Variants in EDNRB observed in about 807,000 individuals in gnomAD.
EDNRB encodes Hirschsprung disease 2.
Under a neutral mutation model 46.4 loss-of-function variants are expected in EDNRB, and 18 were observed. That is an observed-to-expected ratio of 0.39 (90% CI 0.27 to 0.57). EDNRB has a LOEUF of 0.57. Ranked by LOEUF, EDNRB falls within the 20% of genes least tolerant of loss-of-function variation. The pLI, the probability that EDNRB is intolerant of heterozygous loss-of-function variation, is 0.61. For missense variants in EDNRB, 434 were observed against 537.5 expected (o/e 0.81, Z 1.90); for synonymous variants, 213 against 204.9 (o/e 1.04, Z -0.34).
chr13:77,927,197 G>T (rs901010837), intron 1 of EDNRB, among the ~76,000 whole-genome samples: 1 of 152,124 alleles, frequency 6.6e-6, no homozygotes, highest in Non-Finnish European at 1.5e-5. Flanking sequence ...ACTTCTCATA[G>T]TAGACGCCTG....
chr13:77,969,586 G>A (rs4885499), intron 1 of EDNRB, among the ~76,000 whole-genome samples: 37,715 of 151,984 alleles, frequency 0.25, 5,841 homozygotes, highest in East Asian at 0.54. Context: ...CTGGGGTAAC[G>A]TGAATCTCTC....
chr13:77,929,621 G>A (rs1880332635), intron 1 of EDNRB, among the ~76,000 whole-genome samples: 1 of 152,146 alleles, frequency 6.6e-6, no homozygotes, highest in Non-Finnish European at 1.5e-5. Flanking sequence ...TTTGTACAAG[G>A]CGGGTGACTA....
At chr13:77,951,757 G>C (rs942090171) in intron 1 of EDNRB, among the ~76,000 whole-genome samples, 2 of 152,096 alleles carry the variant, frequency 1.3e-5, no homozygotes, top group Non-Finnish European at 2.9e-5. Context: ...CCCAAGGTCT[G>C]TCAAGTGTCC....
At position 77,900,371 on chromosome 13, in the gene EDNRB, C is replaced by A; in HGVS notation, c.1085+150G>T. 4 of 1,090,422 alleles carry A rather than the reference C, an allele frequency of 3.7e-6. No homozygotes were observed. The East Asian group carries it at 1.0e-4, about 28-fold the overall frequency. 67.5% of individuals were successfully genotyped at this position (1,090,422 alleles called of 1,614,324 possible). A position where few individuals can be genotyped will look rare whatever the true frequency, so the allele number is the denominator to read the frequency against. ...CATACCCCCCCTTCCCTGTCCCTCT[C>A]AACAGGACCTCAGATAAAAATTGGG... is the stretch of plus-strand genomic sequence containing the variant. On this transcript the variant is annotated intron_variant, in intron 5 of 6. Coordinates refer to ENST00000646607, the MANE Select transcript of EDNRB (RefSeq NM_001122659.3).
At chr13:77,969,716 TGTGC>T (rs1594404326) in intron 1 of EDNRB, among the ~76,000 whole-genome samples, 1 of 152,310 alleles carries the variant, frequency 6.6e-6, no homozygotes, top group East Asian at 1.9e-4. Context: ...GTAGGGATAA[TGTGC>T]TTATGACTGG....
At position 77,918,510 on chromosome 13, in the gene EDNRB, A is replaced by C. The variant is rs1382140942; in HGVS notation, c.64T>G (p.Ser22Ala). 1.3e-6 allele frequency: 2 copies of C among 1,579,346 alleles called. No individual in the cohort carries two copies. Among genetic ancestry groups the C allele is most frequent in the Non-Finnish European group, 1.7e-6 (2 of 1,167,082 alleles). Residue 22 changes from serine (S) to alanine (A), a missense_variant, in exon 1 of 7, where the codon TCG becomes GCG. Coordinates refer to ENST00000646607, the MANE Select transcript of EDNRB (RefSeq NM_001122659.3). The surrounding 1 kb of genome is among the most constrained non-coding windows in gnomAD (Gnocchi z 4.5). ...LVALVLACGL[S>A]RIWGEERGFP... is the part of the protein sequence containing the mutation. Reference sequence around the variant, plus strand: ...CCTCTCTCCTCTCCCCAGATCCGCGACAGGCCGCAGGCAAGAACCAGCGCA... The same window carrying C: ...CCTCTCTCCTCTCCCCAGATCCGCGCCAGGCCGCAGGCAAGAACCAGCGCA...
intron 1 of EDNRB, among the ~76,000 whole-genome samples, chr13:77,968,644 CAA>C (rs1159089818): frequency 3.9e-5 from 6 of 152,022 alleles, no homozygotes; most frequent in Admixed American, 2.6e-4. Context: ...ATGAAGGAAA[CAA>C]AGAGAGCATG....
chr13:77,958,621 G>A (rs183889986), intron 1 of EDNRB, among the ~76,000 whole-genome samples: 2,234 of 152,216 alleles, frequency 0.015, 45 homozygotes, highest in East Asian at 0.024. Context: ...GAACCCGCCT[G>A]CCTCAGCCTC....
At chr13:77,933,752 G>A (rs1417415697) in intron 1 of EDNRB, among the ~76,000 whole-genome samples, 3 of 152,112 alleles carry the variant, frequency 2.0e-5, no homozygotes, top group Admixed American at 6.5e-5. Context: ...GGGCTGCTTC[G>A]AGCGGGATTA....
intron 1 of EDNRB, among the ~76,000 whole-genome samples, chr13:77,931,758 A>AC (rs1880411779): frequency 3.7e-5 from 5 of 136,614 alleles, no homozygotes; most frequent in Non-Finnish European, 7.8e-5. Flanking sequence ...AAAAAAAAAA[A>AC]AACAAAAAAA....
rs1317315953 is a variant in EDNRB, at chr13:77,955,856, T to TCTATCTAA, written c.-52+19490_-52+19491insTTAGATAG. The stretch of plus-strand genomic sequence containing the variant: ...GTGTATGTGTGTGTGTATCTATCTA[T>TCTATCTAA]CTATCTATCTATCTATCTATCTATC... On this transcript the variant is annotated intron_variant, in intron 1 of 7. Coordinates refer to the EDNRB transcript ENST00000646948. Among the ~76,000 whole-genome samples the TCTATCTAA allele has an allele frequency of 1.2e-3, 175 of 147,014 alleles. 2 individuals carry two copies. The highest frequency in any genetic ancestry group is 4.2e-3 in the African/African-American group (163 of 38,774).
chr13:77,943,899 A>C lies in EDNRB; in HGVS notation c.-51-25275T>G, dbSNP rs568032858. Among the ~76,000 whole-genome samples the C allele has an allele frequency of 2.7e-3, 404 of 152,176 alleles. 4 individuals carry two copies. Among genetic ancestry groups the C allele is most frequent in the African/African-American group, 9.3e-3 (388 of 41,548 alleles). ...GATACCAGCACTTTGCTAACTTTCTATAATATAGTCCTTTTCTTTCATATT... is the reference window on the plus strand; with the variant it reads ...GATACCAGCACTTTGCTAACTTTCTCTAATATAGTCCTTTTCTTTCATATT... On this transcript the variant is annotated intron_variant, in intron 1 of 7. Coordinates refer to the EDNRB transcript ENST00000646948.
chr13:77,937,484 G>T (rs1303354269), intron 1 of EDNRB, among the ~76,000 whole-genome samples: 1 of 152,142 alleles, frequency 6.6e-6, no homozygotes, highest in Non-Finnish European at 1.5e-5. Flanking sequence ...TTAGATATTG[G>T]AATTCCTGTA....
intron 1 of EDNRB, among the ~76,000 whole-genome samples, chr13:77,935,424 T>A (rs1371220378): frequency 6.6e-6 from 1 of 152,162 alleles, no homozygotes; most frequent in African/African-American, 2.4e-5. Context: ...GGAAAGGATT[T>A]AGGATCTATG....
chr13:77,958,706 G>T (rs1282280066), intron 1 of EDNRB, among the ~76,000 whole-genome samples: 1 of 152,168 alleles, frequency 6.6e-6, no homozygotes, highest in Admixed American at 6.5e-5. Flanking sequence ...CCAGCATTGA[G>T]AACCTTTGCT....
intron 1 of EDNRB, among the ~76,000 whole-genome samples, chr13:77,960,055 C>T (rs921674141): frequency 1.3e-5 from 2 of 152,160 alleles, no homozygotes; most frequent in African/African-American, 4.8e-5. Context: ...ACCAAATTTA[C>T]ATCTGATTGG....
chr13:77,925,894 C>T (rs569965768), intron 1 of EDNRB, among the ~76,000 whole-genome samples: 1 of 152,350 alleles, frequency 6.6e-6, no homozygotes, highest in South Asian at 2.1e-4. Context: ...AGGCTGTACC[C>T]TGCAAAGCCA....
At chr13:77,946,606 T>C (rs1176475934) in intron 1 of EDNRB, among the ~76,000 whole-genome samples, 1 of 152,330 alleles carries the variant, frequency 6.6e-6, no homozygotes, top group East Asian at 1.9e-4. Flanking sequence ...CAACTCTATG[T>C]TGGTGGCTCC....
intron 1 of EDNRB, among the ~76,000 whole-genome samples, chr13:77,915,420 A>G (rs929449559): frequency 6.6e-6 from 1 of 152,206 alleles, no homozygotes; most frequent in African/African-American, 2.4e-5. Context: ...ACAATACTCA[A>G]GGTTGGAGAT....
Sources: allele counts gnomAD v4.1 joint callset (sites outside exome capture counted in the v4.1 genomes callset), GRCh38; gene constraint gnomAD v4.1.1; non-coding constraint Gnocchi (gnomAD v3.1); transcripts MANE v1.5; gene names NCBI Gene and HGNC (gene_info 2026-07-23, HGNC 2026-07-21).